CDIN1: variants seen among roughly 807,000 people sequenced by gnomAD.
CDIN1 encodes CDAN1-interacting nuclease 1.
Under a neutral mutation model 45.3 loss-of-function variants are expected in CDIN1, and 33 were observed. The ratio of observed to expected loss-of-function variants is 0.73; its 90% CI spans 0.55 to 0.97. The LOEUF (loss-of-function observed/expected upper bound fraction) is 0.97. CDIN1 is among the 50% of genes least tolerant of loss of function. The probability of loss-of-function intolerance (pLI) is 0.00; values close to 1 mark genes in which losing one functional copy is unlikely to be tolerated. For missense variants in CDIN1, 303 were observed against 339.4 expected, an observed-to-expected ratio of 0.89 and a Z score of 0.84; for synonymous variants, 118 against 124.4, an observed-to-expected ratio of 0.95 and a Z score of 0.34.
chr15:36,654,243 CCTTTGG>C, intron 4 of CDIN1, 85 bp downstream of exon 4: 4 of 1,056,986 alleles, frequency 3.8e-6, no homozygotes, highest in Admixed American at 4.9e-5. Context: ...ATTATAACTA[CCTTTGG>C]AAAAAAAAAG....
At position 36,579,704 on chromosome 15, in the gene CDIN1, A is replaced by C; in HGVS notation, c.-157A>C. ...GGGCGAGTCTCCGCCCCGCTTTTGC[A>C]GCTAGGGGTGTGTTTCAGGGGGGAT... is the stretch of plus-strand genomic sequence containing the variant. On this transcript the variant is annotated 5_prime_UTR_variant, in exon 1 of 11. Transcript: ENST00000566621. 3.4e-6 allele frequency: 2 copies of C among 593,030 alleles called. No individual in the cohort carries two copies. Among genetic ancestry groups the C allele is most frequent in the African/African-American group, 1.9e-5 (1 of 53,558 alleles). 36.7% of individuals were successfully genotyped at this position (593,030 alleles called of 1,614,324 possible).
intron 10 of CDIN1, among the ~76,000 whole-genome samples, chr15:36,754,004 T>A (rs1188840223): frequency 6.6e-6 from 1 of 152,158 alleles, no homozygotes; most frequent in Non-Finnish European, 1.5e-5. Context: ...ACACTCAAGT[T>A]TGGGTTCAAA....
intron 1 of CDIN1, among the ~76,000 whole-genome samples, chr15:36,622,311 A>G (rs1367068383): frequency 2.0e-5 from 3 of 152,258 alleles, no homozygotes; most frequent in Non-Finnish European, 4.4e-5. Flanking sequence ...GGGTGGGGAC[A>G]GTTGGATCTG....
In CDIN1 at chr15:36,579,729, T is replaced by C. The variant is rs781249864; in HGVS notation, c.-132T>C. On this transcript the variant is annotated 5_prime_UTR_variant, in exon 1 of 11. Transcript: ENST00000566621. ...AGCTAGGGGTGTGTTTCAGGGGGGA[T>C]TGGGGCAAGCCAAGCAGGCGAGGAC... 3.2e-4 allele frequency: 218 copies of C among 677,578 alleles called. No homozygotes were observed. Among genetic ancestry groups the C allele is most frequent in the Admixed American group, 1.7e-3 (60 of 35,038 alleles). The allele number at this position is 677,578 out of a possible 1,614,324, so 42.0% of individuals were successfully genotyped here.
chr15:36,625,633 T>C (rs1288871478), intron 1 of CDIN1, among the ~76,000 whole-genome samples: 1 of 152,252 alleles, frequency 6.6e-6, no homozygotes, highest in East Asian at 1.9e-4. Flanking sequence ...AAACTTGTTT[T>C]CTGTGGAAGT....
At chr15:36,631,309 A>G (rs948229374) in intron 1 of CDIN1, among the ~76,000 whole-genome samples, 8 of 152,190 alleles carry the variant, frequency 5.3e-5, no homozygotes, top group African/African-American at 1.9e-4. Flanking sequence ...TATACAGTTC[A>G]GTGGTTTTTA....
At chr15:36,714,290 A>G (rs1183470965) in intron 10 of CDIN1, among the ~76,000 whole-genome samples, 2 of 152,172 alleles carry the variant, frequency 1.3e-5, no homozygotes, top group Non-Finnish European at 2.9e-5. Context: ...AATGCACTTT[A>G]TAAAGGTTTT....
chr15:36,699,743 TTTC>T (rs1247422498), intron 8 of CDIN1, among the ~76,000 whole-genome samples: 5 of 152,210 alleles, frequency 3.3e-5, no homozygotes, highest in African/African-American at 1.2e-4. Context: ...TTACTAATTC[TTTC>T]TTAAATGTCC....
chr15:36,690,515 G>A (rs1020326950), intron 5 of CDIN1, among the ~76,000 whole-genome samples: 5 of 151,882 alleles, frequency 3.3e-5, no homozygotes, highest in African/African-American at 4.8e-5. Flanking sequence ...AGATCCACCC[G>A]CCTCGGCCTC....
intron 10 of CDIN1, among the ~76,000 whole-genome samples, chr15:36,719,173 G>A (rs1400004252): frequency 6.6e-6 from 1 of 152,032 alleles, no homozygotes; most frequent in Non-Finnish European, 1.5e-5. Context: ...AGTGAGCCAT[G>A]ATCATACCAC....
intron 1 of CDIN1, among the ~76,000 whole-genome samples, chr15:36,626,194 A>AT (rs945548734): frequency 7.4e-5 from 11 of 148,760 alleles, no homozygotes; most frequent in East Asian, 2.0e-4. Flanking sequence ...TATTCAAATC[A>AT]TTTTTTTTTT....
At chr15:36,710,505 C>T (rs17414708) in intron 10 of CDIN1, among the ~76,000 whole-genome samples, 10,916 of 152,096 alleles carry the variant, frequency 0.072, 534 homozygotes, top group Middle Eastern at 0.12. Flanking sequence ...ACCACATGTC[C>T]GGGAAGTTAC....
chr15:36,583,122 A>G (rs1255963373), intron 1 of CDIN1, among the ~76,000 whole-genome samples: 2 of 151,978 alleles, frequency 1.3e-5, no homozygotes, highest in Non-Finnish European at 2.9e-5. Context: ...TGCTTTTGAT[A>G]TGGTTAACTT....
At chr15:36,665,655 C>A (rs1209653501) in intron 5 of CDIN1, among the ~76,000 whole-genome samples, 1 of 147,432 alleles carries the variant, frequency 6.8e-6, no homozygotes, top group Admixed American at 6.8e-5. Context: ...GATTGATGAC[C>A]TATGTTGCTT....
chr15:36,588,538 GA>G (rs1247944364), intron 1 of CDIN1, among the ~76,000 whole-genome samples: 3 of 152,136 alleles, frequency 2.0e-5, no homozygotes. Context: ...TAATTTACAT[GA>G]TCTTTAAAAT....
intron 1 of CDIN1, among the ~76,000 whole-genome samples, chr15:36,589,714 C>T (rs1332581306): frequency 1.3e-5 from 2 of 152,150 alleles, no homozygotes; most frequent in African/African-American, 4.8e-5. Context: ...CCGTGTTAGC[C>T]AGGATGGTCT....
intron 5 of CDIN1, among the ~76,000 whole-genome samples, chr15:36,659,450 A>G (rs1171717218): frequency 6.6e-6 from 1 of 152,170 alleles, no homozygotes; most frequent in African/African-American, 2.4e-5. Flanking sequence ...AAACATACCA[A>G]GGAAAGGGTA....
intron 5 of CDIN1, among the ~76,000 whole-genome samples, chr15:36,687,390 G>T (rs1361854544): frequency 1.3e-5 from 2 of 151,970 alleles, no homozygotes; most frequent in Non-Finnish European, 2.9e-5. Flanking sequence ...ATTAACATTA[G>T]AAAATAAAAA....
At chr15:36,734,390 A>G in intron 10 of CDIN1, 2 of 393,298 alleles carry the variant, frequency 5.1e-6, no homozygotes, top group South Asian at 1.8e-5. Flanking sequence ...AGTTACTTTA[A>G]CTTTTATAAT....
Sources: gnomAD v4.1 joint callset for allele counts (sites outside exome capture counted in the v4.1 genomes callset) on GRCh38, gnomAD v4.1.1 for gene constraint, MANE v1.5 for transcripts, NCBI Gene and HGNC (gene_info 2026-07-23, HGNC 2026-07-21) for gene names.